STX5: variants seen among roughly 807,000 people sequenced by gnomAD.
The protein encoded by STX5 is syntaxin 5.
Under a neutral mutation model 42.9 loss-of-function variants are expected in STX5, and 15 were observed. The ratio of observed to expected loss-of-function variants is 0.35; its 90% CI spans 0.23 to 0.54. The LOEUF (loss-of-function observed/expected upper bound fraction) is 0.54. Ranked by LOEUF, STX5 falls within the 20% of genes least tolerant of loss-of-function variation. The probability of loss-of-function intolerance (pLI) is 0.91; values close to 1 mark genes in which losing one functional copy is unlikely to be tolerated. For synonymous variants in STX5, 184 were observed against 173.2 expected (o/e 1.06, Z -0.49); for missense variants, 430 against 455.0 (o/e 0.95, Z 0.50).
rs759751824 is a variant in STX5, at chr11:62,827,200, A to T, written c.378T>A (p.Asp126Glu). 1.2e-6 allele frequency: 2 copies of T among 1,614,090 alleles called. No homozygotes were observed. The highest frequency in any genetic ancestry group is 3.3e-5 in the Admixed American group (2 of 59,998). ...GCTCTTCAATTTCCACTGCTTTATCATCAAAGAGGGACTTGCGCTTTGCCA... is the reference window on the plus strand; with the variant it reads ...GCTCTTCAATTTCCACTGCTTTATCTTCAAAGAGGGACTTGCGCTTTGCCA... ...TILAKRKSLF[D>E]DKAVEIEELT... Residue 126 changes from aspartate (D) to glutamate (E), a missense_variant, in exon 5 of 11, where the codon GAT becomes GAA. Asp to Glu is a conservative substitution (Grantham distance 45). Transcript: ENST00000294179.
chr11:62,827,407 G>A lies in STX5; in HGVS notation c.297-9C>T, dbSNP rs1318674678. 1.2e-6 allele frequency: 2 copies of A among 1,614,056 alleles called. No homozygotes were observed. Among genetic ancestry groups the A allele is most frequent in the African/African-American group, 1.3e-5 (1 of 74,934 alleles). ...GGTCTTTCCCAATGCGCCTGCAAAT[G>A]ACCACTAGTCAGACTGTGGGAAAGG... On this transcript the variant is annotated splice_polypyrimidine_tract_variant and intron_variant, in intron 3 of 10. Transcript: ENST00000294179.
At chr11:62,813,585 AT>A (rs1037339287) in intron 10 of STX5, among the ~76,000 whole-genome samples, 1 of 152,186 alleles carries the variant, frequency 6.6e-6, no homozygotes, top group Non-Finnish European at 1.5e-5. Context: ...CTTTATACAA[AT>A]GTAGGTGTTC....
At chr11:62,817,352 C>G (rs1162090300) in intron 10 of STX5, among the ~76,000 whole-genome samples, 4 of 152,180 alleles carry the variant, frequency 2.6e-5, no homozygotes, top group Non-Finnish European at 4.4e-5. Flanking sequence ...CCTCGAGGTT[C>G]TGCTTCCAGT....
intron 10 of STX5, among the ~76,000 whole-genome samples, chr11:62,823,406 T>C (rs1207844046): frequency 6.6e-6 from 1 of 152,132 alleles, no homozygotes; most frequent in Admixed American, 6.6e-5. Flanking sequence ...ACTCCTGAGT[T>C]CAACTGACTG....
chr11:62,823,211 GTCAC>G (rs1340788389), intron 10 of STX5, among the ~76,000 whole-genome samples: 1 of 150,126 alleles, frequency 6.7e-6, no homozygotes, highest in Non-Finnish European at 1.5e-5. Context: ...GTCTTGCTCT[GTCAC>G]TCAGACTGGA....
At chr11:62,814,836 C>T (rs181617077) in intron 10 of STX5, among the ~76,000 whole-genome samples, 160 of 152,138 alleles carry the variant, frequency 1.1e-3, no homozygotes, top group African/African-American at 3.6e-3. Context: ...TCAGGTGATC[C>T]GCCTGCCTCG....
intron 10 of STX5, among the ~76,000 whole-genome samples, chr11:62,815,067 G>A (rs1272070548): frequency 2.0e-5 from 3 of 151,380 alleles, no homozygotes; most frequent in Non-Finnish European, 4.4e-5. Flanking sequence ...CAGTGCAGTG[G>A]TACGATCTCG....
At position 62,823,008 on chromosome 11, in the gene STX5, A is replaced by G. The variant is rs1284366078; in HGVS notation, c.908+1158T>C. 2.6e-5 allele frequency among the ~76,000 whole-genome samples: 4 copies of G among 152,042 alleles called. No homozygotes were observed. In the South Asian group the frequency reaches 6.2e-4, roughly 24 times the overall value. On this transcript the variant is annotated intron_variant, in intron 10 of 10. Transcript: ENST00000294179. ...CACGCAGGCCTTCTTGATTCTTGCT[A>G]TGGTGAGACTGTCCCATCACAAGGC...
chr11:62,817,203 C>T (rs889931577), intron 10 of STX5, among the ~76,000 whole-genome samples: 3 of 152,134 alleles, frequency 2.0e-5, no homozygotes, highest in African/African-American at 7.2e-5. Context: ...GCTAGGATTA[C>T]AGGCAAGAGC....
chr11:62,808,812 CCTA>C (rs1488892231), intron 10 of STX5, among the ~76,000 whole-genome samples: 5 of 152,090 alleles, frequency 3.3e-5, no homozygotes, highest in African/African-American at 1.2e-4. Flanking sequence ...TCATCAAGTG[CCTA>C]CTAATGTAAT....
intron 10 of STX5, among the ~76,000 whole-genome samples, chr11:62,810,580 G>A (rs566025600): frequency 2.0e-4 from 30 of 152,278 alleles, no homozygotes; most frequent in African/African-American, 7.0e-4. Context: ...AAATGACTGA[G>A]CAACATTAGA....
intron 2 of STX5, among the ~76,000 whole-genome samples, chr11:62,828,434 T>C (rs550867469): frequency 1.3e-5 from 2 of 152,278 alleles, no homozygotes; most frequent in East Asian, 3.9e-4. Flanking sequence ...TATTTAAAAA[T>C]ACAGTTACTC....
intron 10 of STX5, among the ~76,000 whole-genome samples, chr11:62,821,040 T>C (rs935285495): frequency 6.6e-6 from 1 of 152,064 alleles, no homozygotes; most frequent in Non-Finnish European, 1.5e-5. Flanking sequence ...CCAGGTGCGG[T>C]GGCTCACACC....
chr11:62,831,884 C>G (rs1222150221), intron 1 of STX5, 70 bp downstream of exon 1: 1 of 456,614 alleles, frequency 2.2e-6, no homozygotes, highest in African/African-American at 2.0e-5. Context: ...CCCCGCCAGT[C>G]GTCGCCCCCG....
chr11:62,824,993 G>A, intron 8 of STX5, 43 bp downstream of exon 8: 1 of 1,601,144 alleles, frequency 6.2e-7, no homozygotes, highest in East Asian at 2.2e-5. Flanking sequence ...ACCAGAGTAA[G>A]TAACCTTACC....
chr11:62,829,469 T>G (rs2084832233), intron 2 of STX5, among the ~76,000 whole-genome samples: 1 of 150,760 alleles, frequency 6.6e-6, no homozygotes. Flanking sequence ...ACTCCCAAAT[T>G]TTTTTTAAGA....
chr11:62,819,220 GAAAAAAAAAAAAAAAAAAAAAAAAAAAA>G (rs57390432), intron 10 of STX5, among the ~76,000 whole-genome samples: 1 of 29,600 alleles, frequency 3.4e-5, no homozygotes, highest in Non-Finnish European at 5.4e-5. Context: ...GACTCTGTCT[GAAAAAAAAAAAAAAAAAAAAAAAAAAAA>G]AAAAAAAAGA....
chr11:62,814,857 G>A (rs1289051191), intron 10 of STX5, among the ~76,000 whole-genome samples: 1 of 152,116 alleles, frequency 6.6e-6, no homozygotes, highest in East Asian at 1.9e-4. Flanking sequence ...GCCTCCCAGA[G>A]TGCTGGGATT....
At position 62,807,641 on chromosome 11, in the gene STX5, C is replaced by T; in HGVS notation, c.909-13G>A. Reference sequence around the variant, plus strand: ...GTTCTCGTCGATCCTGGGGACAAGGCCGGGAGAAGAGGAAACAAAAGGACA... The same window carrying T: ...GTTCTCGTCGATCCTGGGGACAAGGTCGGGAGAAGAGGAAACAAAAGGACA... On this transcript the variant is annotated splice_polypyrimidine_tract_variant and intron_variant, in intron 10 of 10. Coordinates refer to ENST00000294179, the MANE Select transcript of STX5 (RefSeq NM_003164.5). 6.2e-7 allele frequency: 1 copy of T among 1,613,612 alleles called. No individual in the cohort carries two copies. Among genetic ancestry groups the T allele is most frequent in the Non-Finnish European group, 8.5e-7 (1 of 1,179,866 alleles).
Sources: allele counts gnomAD v4.1 joint callset (sites outside exome capture counted in the v4.1 genomes callset), GRCh38; gene constraint gnomAD v4.1.1; transcripts MANE v1.5; gene names NCBI Gene and HGNC (gene_info 2026-07-23, HGNC 2026-07-21).